The following PPM1D variants were observed in gnomAD, a reference collection of about 807,000 sequenced individuals.
PPM1D encodes the protein protein phosphatase, Mg2+/Mn2+ dependent 1D, also known as protein phosphatase 1D.
In PPM1D, 52 loss-of-function variants were observed where a neutral mutation model predicts 58.3. That is an observed-to-expected ratio of 0.89 (90% CI 0.71 to 1.12). The LOEUF (loss-of-function observed/expected upper bound fraction) is 1.12, where lower values mean the gene tolerates loss of function less well. Among genes scored for constraint, PPM1D ranks in the 50% most tolerant of loss-of-function variants. The pLI is 0.00. For synonymous variants in PPM1D, 278 were observed against 285.1 expected, an observed-to-expected ratio of 0.98 and a Z score of 0.25; for missense variants, 564 against 777.2, an observed-to-expected ratio of 0.73 and a Z score of 3.26.
intron 1 of PPM1D, among the ~76,000 whole-genome samples, chr17:60,619,932 T>A (rs1567967332): frequency 6.6e-6 from 1 of 152,232 alleles, no homozygotes; most frequent in African/African-American, 2.4e-5. Context: ...TTTGTATGAC[T>A]TCTTTGACAA....
intron 3 of PPM1D, among the ~76,000 whole-genome samples, chr17:60,644,343 C>G (rs540252223): frequency 2.3e-3 from 342 of 151,712 alleles, no homozygotes; most frequent in Non-Finnish European, 4.0e-3. Context: ...ACTGTGTTGC[C>G]CCGGCTGGTC....
chr17:60,610,176 CAAAAA>C (rs57245998), intron 1 of PPM1D, among the ~76,000 whole-genome samples: 2 of 69,876 alleles, frequency 2.9e-5, no homozygotes, highest in Admixed American at 1.7e-4. Flanking sequence ...GAGACTGTCT[CAAAAA>C]AAAAAAAAAA....
intron 1 of PPM1D, among the ~76,000 whole-genome samples, chr17:60,607,623 T>C (rs1424097996): frequency 1.3e-5 from 2 of 152,214 alleles, no homozygotes; most frequent in Admixed American, 1.3e-4. Flanking sequence ...AAAGTTTGTA[T>C]AGGCTTTTTT....
chr17:60,603,677 T>C (rs1002051726), intron 1 of PPM1D, among the ~76,000 whole-genome samples: 9 of 152,208 alleles, frequency 5.9e-5, no homozygotes, highest in African/African-American at 2.2e-4. Flanking sequence ...GCAGAGAGAA[T>C]TGCTTGAACC....
chr17:60,662,918 G>A, intron 5 of PPM1D, 77 bp from the exon 6 acceptor site: 1 of 1,363,082 alleles, frequency 7.3e-7, no homozygotes, highest in Non-Finnish European at 1.0e-6. Context: ...TTCATAAGAA[G>A]CCTAATATCA....
At position 60,609,375 on chromosome 17, in the gene PPM1D, G is replaced by C. The variant is rs545655877; in HGVS notation, c.472+8489G>C. 2.6e-5 allele frequency among the ~76,000 whole-genome samples: 4 copies of C among 152,298 alleles called. No individual in the cohort carries two copies. In the East Asian group the frequency reaches 7.7e-4, roughly 29 times the overall value. ...CCCAAAGTGCTAGGATTACAGGTGT[G>C]AGCCACCGTGCCCAGCCTGCATGGT... is the stretch of plus-strand genomic sequence containing the variant. On this transcript the variant is annotated intron_variant, in intron 1 of 5. Coordinates refer to ENST00000305921, the MANE Select transcript of PPM1D (RefSeq NM_003620.4).
At chr17:60,661,059 C>T (rs1450814855) in intron 5 of PPM1D, among the ~76,000 whole-genome samples, 2 of 145,098 alleles carry the variant, frequency 1.4e-5, no homozygotes, top group South Asian at 2.2e-4. Flanking sequence ...ACTAAAAATA[C>T]AAAAAAAAAA....
intron 1 of PPM1D, among the ~76,000 whole-genome samples, chr17:60,620,323 T>C (rs934654414): frequency 1.3e-5 from 2 of 151,970 alleles, no homozygotes; most frequent in African/African-American, 2.4e-5. Context: ...GTGTTTTTGT[T>C]TGTTTGTTTG....
chr17:60,658,404 T>G (rs2031475175), intron 5 of PPM1D, among the ~76,000 whole-genome samples: 1 of 151,994 alleles, frequency 6.6e-6, no homozygotes, highest in South Asian at 2.1e-4. Context: ...ATCCCAGCAC[T>G]TTGGGAGGCT....
intron 1 of PPM1D, among the ~76,000 whole-genome samples, chr17:60,603,219 C>T (rs2030257736): frequency 6.6e-6 from 1 of 152,108 alleles, no homozygotes; most frequent in Admixed American, 6.6e-5. Context: ...TAATAGTTCT[C>T]AAACTTTTTG....
intron 2 of PPM1D, among the ~76,000 whole-genome samples, chr17:60,629,649 A>G (rs1358939513): frequency 6.6e-6 from 1 of 152,126 alleles, no homozygotes; most frequent in African/African-American, 2.4e-5. Flanking sequence ...TTTCCTGCTT[A>G]TTTACCAGTA....
intron 1 of PPM1D, among the ~76,000 whole-genome samples, chr17:60,620,179 C>T (rs1228641304): frequency 4.0e-5 from 6 of 151,648 alleles, no homozygotes; most frequent in Admixed American, 2.0e-4. Flanking sequence ...CTGTATTTTT[C>T]GTAGAGACGG....
At chr17:60,617,669 T>C (rs1018717585) in intron 1 of PPM1D, among the ~76,000 whole-genome samples, 13 of 152,174 alleles carry the variant, frequency 8.5e-5, no homozygotes, top group Non-Finnish European at 1.5e-5. Flanking sequence ...TGAAATAACT[T>C]CTGCAACCAG....
At chr17:60,652,115 A>G (rs147993875) in intron 4 of PPM1D, among the ~76,000 whole-genome samples, 168 of 152,242 alleles carry the variant, frequency 1.1e-3, no homozygotes, top group African/African-American at 3.9e-3. Flanking sequence ...AAATCCATTT[A>G]TATTCTTTTT....
At chr17:60,651,280 C>G (rs1489719845) in intron 4 of PPM1D, among the ~76,000 whole-genome samples, 1 of 152,076 alleles carries the variant, frequency 6.6e-6, no homozygotes, top group African/African-American at 2.4e-5. Flanking sequence ...GTGATAGATT[C>G]ATGAATTAGA....
chr17:60,663,197 A>T lies in PPM1D; in HGVS notation c.1463A>T (p.Asp488Val), dbSNP rs760381560. ...AAAGCCCTGACTTTAAGGATACATG[A>T]TTCTTTGAATAATAGCCTTCCAATT... The part of the protein sequence containing the change: ...CAKALTLRIH[D>V]SLNNSLPIGL... The change falls in exon 6 of 6, where the codon GAT becomes GTT. Residue 488 changes from aspartate to valine, a missense_variant. By Grantham distance (152) the Asp-to-Val change is radical. Transcript: ENST00000305921. 1 of 1,614,194 alleles carries T rather than the reference A, an allele frequency of 6.2e-7. No homozygotes were observed. Among genetic ancestry groups the T allele is most frequent in the Non-Finnish European group, 8.5e-7 (1 of 1,179,998 alleles).
chr17:60,632,975 A>T (rs376445266), intron 2 of PPM1D, among the ~76,000 whole-genome samples: 88 of 151,612 alleles, frequency 5.8e-4, no homozygotes, highest in Admixed American at 1.6e-3. Context: ...CTCAAAATAA[A>T]TAAATAAAAA....
At chr17:60,657,988 G>T (rs937106294) in intron 5 of PPM1D, among the ~76,000 whole-genome samples, 1 of 152,080 alleles carries the variant, frequency 6.6e-6, no homozygotes, top group Admixed American at 6.6e-5. Context: ...TGATCCACCC[G>T]CATCGGCCTC....
At chr17:60,655,822 C>T (rs368692861) in intron 4 of PPM1D, among the ~76,000 whole-genome samples, 1 of 151,936 alleles carries the variant, frequency 6.6e-6, no homozygotes, top group East Asian at 2.0e-4. Flanking sequence ...CTGCCTCAGC[C>T]TCCTGAGTAG....
Sources: allele counts gnomAD v4.1 joint callset (sites outside exome capture counted in the v4.1 genomes callset), GRCh38; gene constraint gnomAD v4.1.1; transcripts MANE v1.5; gene names NCBI Gene and HGNC (gene_info 2026-07-23, HGNC 2026-07-21).